MCTP1: variants seen among roughly 807,000 people sequenced by gnomAD.
MCTP1 encodes multiple C2 and transmembrane domain-containing protein 1.
A neutral mutation model predicts 120.6 loss-of-function variants in MCTP1; 69 were observed. The observed-to-expected ratio is 0.57, with a 90% confidence interval of 0.47 to 0.70. MCTP1 has a LOEUF of 0.70. Ranked by LOEUF, MCTP1 falls within the 30% of genes least tolerant of loss-of-function variation. The pLI is 0.00. For missense variants in MCTP1, 1,203 were observed against 1,248.8 expected (o/e 0.96, Z 0.55); for synonymous variants, 529 against 493.1 (o/e 1.07, Z -0.96).
At chr5:94,717,683 A>C (rs1250965445) in intron 19 of MCTP1, among the ~76,000 whole-genome samples, 1 of 152,180 alleles carries the variant, frequency 6.6e-6, no homozygotes, top group Non-Finnish European at 1.5e-5. Context: ...TCAGGATATA[A>C]AAATCAATGT....
chr5:94,717,299 A>G (rs1759713775), intron 19 of MCTP1, among the ~76,000 whole-genome samples: 1 of 152,214 alleles, frequency 6.6e-6, no homozygotes, highest in South Asian at 2.1e-4. Context: ...TAGACGCGAA[A>G]AAGGCCTTCG....
chr5:94,801,569 C>T (rs529038376), intron 17 of MCTP1, among the ~76,000 whole-genome samples: 1 of 152,270 alleles, frequency 6.6e-6, no homozygotes, highest in East Asian at 1.9e-4. Flanking sequence ...TGAGGGCATT[C>T]ATTTGACTTA....
chr5:95,095,801 A>G (rs549265251), intron 1 of MCTP1, among the ~76,000 whole-genome samples: 3 of 152,276 alleles, frequency 2.0e-5, no homozygotes, highest in South Asian at 4.1e-4. Flanking sequence ...ACATGACTCA[A>G]TTTGACCTTC....
At chr5:94,923,565 T>C (rs549071979) in intron 7 of MCTP1, among the ~76,000 whole-genome samples, 38 of 152,218 alleles carry the variant, frequency 2.5e-4, no homozygotes, top group Non-Finnish European at 4.7e-4. Context: ...TAGATCACTG[T>C]AACAGAAGTA....
At chr5:94,847,682 G>GTGTGTGTATA (rs1169588105) in intron 17 of MCTP1, among the ~76,000 whole-genome samples, 2 of 102,378 alleles carry the variant, frequency 2.0e-5, no homozygotes, top group African/African-American at 7.7e-5. Context: ...GTGTGTGTGT[G>GTGTGTGTATA]TATATATATA....
At chr5:94,768,708 T>C (rs753838158) in intron 19 of MCTP1, among the ~76,000 whole-genome samples, 3 of 152,088 alleles carry the variant, frequency 2.0e-5, no homozygotes, top group East Asian at 1.9e-4. Context: ...CCAGTTAAGA[T>C]GGCTGTTATC....
At position 95,284,029 on chromosome 5, in the gene MCTP1, C is replaced by T. The variant is rs1481898790; in HGVS notation, c.547G>A (p.Gly183Ser). The T allele has an allele frequency of 6.6e-7, 1 of 1,512,634 alleles. No homozygotes were observed. Among genetic ancestry groups the T allele is most frequent in the Admixed American group, 2.2e-5 (1 of 45,080 alleles). The allele number at this position is 1,512,634 out of a possible 1,614,324, so 93.7% of individuals were successfully genotyped here. The change falls in exon 1 of 23, where the codon GGT becomes AGT. Residue 183 changes from glycine (G) to serine (S), a missense_variant. Gly to Ser is a moderately conservative substitution (Grantham distance 56, BLOSUM62 0). Transcript: ENST00000515393. The surrounding 1 kb of genome is among the most constrained non-coding windows in gnomAD (Gnocchi z 5.2). The part of the protein sequence containing the change: ...PPRGDRARDE[G>S]ARRQGPGAHL... ...GCCCCGGGGCCCTGACGCCGTGCAC[C>T]CTCATCTCGGGCGCGGTCCCCCCTC...
chr5:94,961,452 A>T (rs1295708098), intron 2 of MCTP1, among the ~76,000 whole-genome samples: 2 of 152,162 alleles, frequency 1.3e-5, no homozygotes, highest in African/African-American at 4.8e-5. Flanking sequence ...TTGTCCAGTA[A>T]GTTGTTCATG....
intron 6 of MCTP1, among the ~76,000 whole-genome samples, chr5:94,926,231 C>A (rs1182333438): frequency 6.6e-6 from 1 of 152,150 alleles, no homozygotes. Flanking sequence ...CATACTATTA[C>A]AAACTCAAAA....
At chr5:95,240,109 A>G (rs1335138702) in intron 1 of MCTP1, among the ~76,000 whole-genome samples, 1 of 152,160 alleles carries the variant, frequency 6.6e-6, no homozygotes, top group Non-Finnish European at 1.5e-5. Context: ...TTATAACTGT[A>G]TATGTATTGA....
At chr5:94,870,324 C>T in intron 16 of MCTP1, 93 bp downstream of exon 16, 2 of 809,236 alleles carry the variant, frequency 2.5e-6, no homozygotes, top group Non-Finnish European at 4.0e-6. Flanking sequence ...GTCTTCCCCC[C>T]TCCATACCTT....
At chr5:94,879,056 C>A in intron 12 of MCTP1, among the ~76,000 whole-genome samples, 1 of 151,904 alleles carries the variant, frequency 6.6e-6, no homozygotes, top group East Asian at 1.9e-4. Context: ...AGAGCTAGAC[C>A]AAAAGCCTGC....
intron 2 of MCTP1, among the ~76,000 whole-genome samples, chr5:94,984,967 T>C (rs1830195442): frequency 1.3e-5 from 2 of 152,212 alleles, no homozygotes; most frequent in Non-Finnish European, 2.9e-5. Context: ...ATATGAGTTC[T>C]GATGTAAATA....
At position 95,284,383 on chromosome 5, in the gene MCTP1, C is replaced by T; in HGVS notation, c.193G>A (p.Gly65Arg). 6.3e-7 allele frequency: 1 copy of T among 1,594,280 alleles called. No homozygotes were observed. ...SPSPPPPVGT[G>R]NAPARGSGAG... ...CCACTCCCCCTGGCCGGTGCATTCC[C>T]TGTGCCCACCGGGGGTGGCGGGGAG... is the stretch of plus-strand genomic sequence containing the variant. The change falls in exon 1 of 23, where the codon GGG (glycine) becomes AGG (arginine). Residue 65 changes from glycine (G) to arginine (R), a missense_variant. Physicochemically the swap from Gly to Arg is moderately radical, Grantham distance 125. This residue lies in a region of MCTP1 where 463 missense variants were observed against 377.8 expected (regional missense o/e 1.23). Coordinates refer to ENST00000515393, the MANE Select transcript of MCTP1 (RefSeq NM_024717.7). This position sits in a 1 kb window ranked among gnomAD's most constrained non-coding sequence, Gnocchi z 5.2.
chr5:94,718,199 A>G (rs1041176268), intron 19 of MCTP1, among the ~76,000 whole-genome samples: 1 of 152,192 alleles, frequency 6.6e-6, no homozygotes, highest in Non-Finnish European at 1.5e-5. Flanking sequence ...GATCTCAGAA[A>G]TAAGACCGCA....
chr5:94,849,648 C>A (rs937715524), intron 17 of MCTP1, among the ~76,000 whole-genome samples: 2 of 152,142 alleles, frequency 1.3e-5, no homozygotes, highest in African/African-American at 4.8e-5. Flanking sequence ...AAAAGTGGAT[C>A]AAAATTGGAC....
At chr5:94,771,000 A>G (rs1773930336) in intron 19 of MCTP1, among the ~76,000 whole-genome samples, 1 of 152,224 alleles carries the variant, frequency 6.6e-6, no homozygotes, top group Non-Finnish European at 1.5e-5. Context: ...TGGATATCAA[A>G]GATAACAAGC....
intron 18 of MCTP1, among the ~76,000 whole-genome samples, chr5:94,780,376 T>C (rs1198741585): frequency 1.3e-5 from 2 of 152,004 alleles, no homozygotes; most frequent in South Asian, 4.2e-4. Context: ...CAGAACTCCG[T>C]TATTCCTAAT....
chr5:95,123,719 G>T (rs998694741), intron 1 of MCTP1, among the ~76,000 whole-genome samples: 2 of 150,776 alleles, frequency 1.3e-5, no homozygotes, highest in Non-Finnish European at 2.9e-5. Context: ...GCACGATCTC[G>T]GCTCACTGCA....
Sources: allele counts gnomAD v4.1 joint callset (sites outside exome capture counted in the v4.1 genomes callset), GRCh38; gene constraint gnomAD v4.1.1; regional missense constraint gnomAD v4.1.1; non-coding constraint Gnocchi (gnomAD v3.1); transcripts MANE v1.5; gene names NCBI Gene and HGNC (gene_info 2026-07-23, HGNC 2026-07-21).